The following PM20D2 variants were observed in gnomAD, a reference collection of about 807,000 sequenced individuals.
The protein encoded by PM20D2 is peptidase M20 domain containing 2.
In PM20D2, 33 loss-of-function variants were observed where a neutral mutation model predicts 42.9. The ratio of observed to expected loss-of-function variants is 0.77; its 90% CI spans 0.58 to 1.03. PM20D2 has a LOEUF of 1.03. PM20D2 is among the 50% of genes least tolerant of loss of function. PM20D2 has a pLI of 0.00. For missense variants in PM20D2, 548 were observed against 557.0 expected, an observed-to-expected ratio of 0.98 and a Z score of 0.16; for synonymous variants, 250 against 228.2, an observed-to-expected ratio of 1.10 and a Z score of -0.86.
the PM20D2 span, among the ~76,000 whole-genome samples, chr6:89,111,553 T>A: frequency 3.3e-5 from 5 of 152,192 alleles, no homozygotes; most frequent in South Asian, 1.0e-3. Context: ...TTTTGTTCAT[T>A]CCCTAGTATT....
At chr6:89,133,229 TA>T in the PM20D2 span, among the ~76,000 whole-genome samples, 2 of 150,610 alleles carry the variant, frequency 1.3e-5, no homozygotes, top group Admixed American at 6.6e-5. Context: ...ATCCTGTCTC[TA>T]AAAAATAAAA....
At chr6:89,141,834 T>C (rs956057499), upstream of PM20D2, among the ~76,000 whole-genome samples, 2 of 152,202 alleles carry the variant, frequency 1.3e-5, no homozygotes, top group African/African-American at 4.8e-5. Flanking sequence ...GACAAAAGTC[T>C]CACTCTGTTG....
At chr6:89,159,069 G>A (rs1030449584) in intron 5 of PM20D2, among the ~76,000 whole-genome samples, 2 of 152,002 alleles carry the variant, frequency 1.3e-5, no homozygotes, top group African/African-American at 2.4e-5. Context: ...GGGTAAGAGG[G>A]GGTTGTTATA....
chr6:89,115,735 C>T, the PM20D2 span, among the ~76,000 whole-genome samples: 3 of 150,072 alleles, frequency 2.0e-5, no homozygotes, highest in African/African-American at 7.4e-5. Context: ...CTCCCGGGTT[C>T]ACACCATTAT....
the PM20D2 span, among the ~76,000 whole-genome samples, chr6:89,137,049 G>A: frequency 1.9e-3 from 282 of 151,296 alleles, 19 homozygotes; most frequent in African/African-American, 6.7e-3. Context: ...TCTCTATAAA[G>A]TGTTATAATT....
chr6:89,121,742 C>A, the PM20D2 span, among the ~76,000 whole-genome samples: 19 of 152,140 alleles, frequency 1.2e-4, no homozygotes, highest in Non-Finnish European at 2.6e-4. Flanking sequence ...ACAAAAGCCT[C>A]ATTTTTACAT....
At chr6:89,153,922 TTA>T (rs367640369) in intron 3 of PM20D2, among the ~76,000 whole-genome samples, 1 of 151,864 alleles carries the variant, frequency 6.6e-6, no homozygotes. Flanking sequence ...TCTTTTAAAA[TTA>T]TATATATATA....
the PM20D2 span, among the ~76,000 whole-genome samples, chr6:89,122,123 G>A: frequency 6.6e-6 from 1 of 152,208 alleles, no homozygotes; most frequent in Admixed American, 6.5e-5. Context: ...TGTCTTTGGG[G>A]AAATTGCTGA....
chr6:89,097,791 A>G, the PM20D2 span: 1 of 152,232 alleles, frequency 6.6e-6, no homozygotes, highest in African/African-American at 2.4e-5. Flanking sequence ...GGTATCAAAT[A>G]TGATTTTATA....
chr6:89,116,528 G>A, the PM20D2 span, among the ~76,000 whole-genome samples: 1 of 151,976 alleles, frequency 6.6e-6, no homozygotes, highest in Non-Finnish European at 1.5e-5. Flanking sequence ...TAATCTCAGC[G>A]CTTTGGGAGG....
chr6:89,143,216 C>T (rs1053538201), upstream of PM20D2, among the ~76,000 whole-genome samples: 2 of 152,266 alleles, frequency 1.3e-5, no homozygotes, highest in Middle Eastern at 6.8e-3. Context: ...AGCCTGCTGC[C>T]TTTTCAAAAG....
At chr6:89,109,786 A>G in the PM20D2 span, among the ~76,000 whole-genome samples, 1 of 152,192 alleles carries the variant, frequency 6.6e-6, no homozygotes, top group Admixed American at 6.5e-5. Context: ...ACACCCATGT[A>G]TCTACCAACA....
At chr6:89,126,555 G>A in the PM20D2 span, among the ~76,000 whole-genome samples, 6 of 151,606 alleles carry the variant, frequency 4.0e-5, no homozygotes, top group African/African-American at 1.5e-4. Flanking sequence ...ATGGTGGCAG[G>A]CGCCTATAAT....
At chr6:89,098,735 G>C in the PM20D2 span, 3 of 1,613,942 alleles carry the variant, frequency 1.9e-6, no homozygotes, top group Non-Finnish European at 2.5e-6. Flanking sequence ...ATGTGATCTT[G>C]ATTTTGTTCC....
At chr6:89,105,737 AAAAAT>A in the PM20D2 span, 1 of 334,148 alleles carries the variant, frequency 3.0e-6, no homozygotes, top group Non-Finnish European at 5.4e-6. Flanking sequence ...GAGTGAGTCT[AAAAAT>A]AAAAAGAACA....
the PM20D2 span, among the ~76,000 whole-genome samples, chr6:89,112,392 A>C: frequency 7.9e-5 from 12 of 152,058 alleles, no homozygotes; most frequent in Non-Finnish European, 1.8e-4. Flanking sequence ...AGGAAGAAGA[A>C]AAGTAAGTCC....
the PM20D2 span, among the ~76,000 whole-genome samples, chr6:89,125,043 A>G: frequency 4.6e-5 from 7 of 152,068 alleles, no homozygotes; most frequent in African/African-American, 1.4e-4. Flanking sequence ...GGCCCCATCA[A>G]GATTTTTTAA....
the PM20D2 span, among the ~76,000 whole-genome samples, chr6:89,106,416 C>T: frequency 6.6e-6 from 1 of 152,164 alleles, no homozygotes; most frequent in Non-Finnish European, 1.5e-5. Context: ...CCCAGCCAAA[C>T]ATTTATGTTT....
At chr6:89,151,695 C>G (rs900964392) in intron 2 of PM20D2, among the ~76,000 whole-genome samples, 1 of 152,210 alleles carries the variant, frequency 6.6e-6, no homozygotes, top group African/African-American at 2.4e-5. Context: ...GTATTCCACT[C>G]AATATATTGT....
Sources: allele counts gnomAD v4.1 joint callset (sites outside exome capture counted in the v4.1 genomes callset), GRCh38; gene constraint gnomAD v4.1.1; transcripts MANE v1.5; gene names NCBI Gene and HGNC (gene_info 2026-07-23, HGNC 2026-07-21).